ESPN: variants seen among roughly 807,000 people sequenced by gnomAD.
ESPN encodes the protein espin.
In ESPN, 68 loss-of-function variants were observed where a neutral mutation model predicts 77.7. The ratio of observed to expected loss-of-function variants is 0.87; its 90% CI spans 0.72 to 1.07. ESPN has a LOEUF of 1.07. Among genes scored for constraint, ESPN ranks in the 50% least tolerant of loss-of-function variants. ESPN has a pLI of 0.00. For synonymous variants in ESPN, 449 were observed against 567.1 expected, an observed-to-expected ratio of 0.79 and a Z score of 2.96; for missense variants, 1,060 against 1,239.0, an observed-to-expected ratio of 0.86 and a Z score of 2.17.
intron 8 of ESPN, among the ~76,000 whole-genome samples, chr1:6,449,562 T>G (rs1023615190): frequency 6.6e-6 from 1 of 152,086 alleles, no homozygotes; most frequent in African/African-American, 2.4e-5. Flanking sequence ...TCTCTTCCTC[T>G]CTCCACGTCT....
rs1643874051 is a variant in ESPN at position 6,447,638 on chromosome 1, C to T, written c.1465-1003C>T. ...TGGGAAGCCACGCTGTCACCCGACC[C>T]CGCCTTACGGCCCCTGAAATCCGAG... On this transcript the variant is annotated intron_variant, in intron 7 of 12. Coordinates refer to ENST00000645284, the MANE Select transcript of ESPN (RefSeq NM_031475.3). This position sits in a 1 kb window ranked among gnomAD's most constrained non-coding sequence, Gnocchi z 5.2. 6.6e-6 allele frequency among the ~76,000 whole-genome samples: 1 copy of T among 152,206 alleles called. No homozygotes were observed. Among genetic ancestry groups the T allele is most frequent in the Admixed American group, 6.5e-5 (1 of 15,288 alleles).
At chr1:6,454,859 C>T (rs1310610714) in intron 10 of ESPN, 6 of 392,364 alleles carry the variant, frequency 1.5e-5, no homozygotes, top group Non-Finnish European at 2.3e-5. Flanking sequence ...CCGACGCGCC[C>T]TGGCTGCCCG....
rs1204209800 is a variant in ESPN at position 6,448,997 on chromosome 1, G to A, written c.1821G>A (p.Pro607=). The change falls in exon 8 of 13, where the codon CCG becomes CCA. Residue 607 remains proline, a synonymous_variant. Transcript: ENST00000645284. The stretch of plus-strand genomic sequence containing the variant: ...CCCCACCGCCGCCGCCGCCCCTGCC[G>A]GAGGCCGCGAGTTCGCCACCGCCGG... The part of the protein sequence containing the change: ...PPPPPPPPPL[P]EAASSPPPAP... 1.9e-5 allele frequency: 28 copies of A among 1,452,142 alleles called. No homozygotes were observed. The highest frequency in any genetic ancestry group is 7.6e-5 in the Admixed American group (3 of 39,626). The allele number at this position is 1,452,142 out of a possible 1,614,324, so 90.0% of individuals were successfully genotyped here.
chr1:6,449,620 G>A (rs1178960536), intron 8 of ESPN, among the ~76,000 whole-genome samples: 1 of 152,206 alleles, frequency 6.6e-6, no homozygotes, highest in Non-Finnish European at 1.5e-5. Context: ...TCTTAGATAT[G>A]CCAGGAACTC....
In ESPN at chr1:6,451,803, G is replaced by T. The variant is rs1286936481; in HGVS notation, c.2062-30G>T. On this transcript the variant is annotated intron_variant, in intron 9 of 12. Coordinates refer to ENST00000645284, the MANE Select transcript of ESPN (RefSeq NM_031475.3). This position sits in a 1 kb window ranked among gnomAD's most constrained non-coding sequence, Gnocchi z 4.3. ...CGGCTTCCCTGGCCCTAGGCCACCGGGCGCTCAGCCCCACCGCTTCTCCCT... is the reference window on the plus strand; with the variant it reads ...CGGCTTCCCTGGCCCTAGGCCACCGTGCGCTCAGCCCCACCGCTTCTCCCT... 2.5e-6 allele frequency: 4 copies of T among 1,610,116 alleles called. No individual in the cohort carries two copies. The highest frequency in any genetic ancestry group is 3.4e-6 in the Non-Finnish European group (4 of 1,179,020).
chr1:6,434,064 G>A (rs1434524019), intron 2 of ESPN, among the ~76,000 whole-genome samples: 1 of 152,090 alleles, frequency 6.6e-6, no homozygotes, highest in Non-Finnish European at 1.5e-5. Context: ...CACCACACCC[G>A]GCTAATTTTT....
Position 6,460,617 on chromosome 1 carries a change from TGC to T in ESPN, c.*477_*478del, listed in dbSNP as rs1644144128. The T allele has an allele frequency of 6.0e-6, 1 of 167,698 alleles. No individual in the cohort carries two copies. Among genetic ancestry groups the T allele is most frequent in the South Asian group, 1.6e-4 (1 of 6,414 alleles). The allele number at this position is 167,698 out of a possible 1,614,324, so 10.4% of individuals were successfully genotyped here. On this transcript the variant is annotated 3_prime_UTR_variant, in exon 13 of 13. Transcript: ENST00000645284. ...TTTCCCTTCCTCTCTGACCCAGATC[TGC>T]GCGCGGCCTAGCCCGGGCCTCATTT...
rs1644135387 is a variant in ESPN at position 6,460,260 on chromosome 1, C to CT, written c.*115dup. ...AGCCGCACAGCCCTCCCCTCCTGCG[C>CT]TGGAAACCCTCCCTGACCCCCACCC... On this transcript the variant is annotated 3_prime_UTR_variant, in exon 13 of 13. Transcript: ENST00000645284. The CT allele has an allele frequency of 1.5e-6, 2 of 1,369,116 alleles. No individual in the cohort carries two copies. The highest frequency in any genetic ancestry group is 2.0e-6 in the Non-Finnish European group (2 of 1,006,286). 84.8% of individuals were successfully genotyped at this position (1,369,116 alleles called of 1,614,324 possible).
At chr1:6,433,517 G>T (rs1348605268) in intron 2 of ESPN, among the ~76,000 whole-genome samples, 1 of 151,638 alleles carries the variant, frequency 6.6e-6, no homozygotes, top group Admixed American at 6.6e-5. Context: ...TGAGGCATGA[G>T]AATCACTTGA....
intron 6 of ESPN, among the ~76,000 whole-genome samples, chr1:6,444,885 A>G (rs1387247143): frequency 1.3e-5 from 2 of 152,186 alleles, no homozygotes. Context: ...ACAAACATAC[A>G]TGTACATCCA....
chr1:6,441,806 G>A lies in ESPN; in HGVS notation c.990+741G>A, dbSNP rs112141347. ...ATGGAGGGGCTGTGCAATGAGGCCC[G>A]GAGGGAAGAAGGCAGATGGTCTGTG... On this transcript the variant is annotated intron_variant, in intron 5 of 12. Coordinates refer to ENST00000645284, the MANE Select transcript of ESPN (RefSeq NM_031475.3). Among the ~76,000 whole-genome samples, 911 of 152,332 alleles carry A rather than the reference G, an allele frequency of 6.0e-3. 9 individuals are homozygous for A. Among genetic ancestry groups the A allele is most frequent in the African/African-American group, 0.02 (835 of 41,572 alleles).
chr1:6,425,088 C>T lies in ESPN; in HGVS notation c.133C>T (p.Arg45Cys), dbSNP rs1481875713. The change falls in exon 1 of 13, where the codon CGC becomes TGC. Residue 45 changes from arginine to cysteine, a missense_variant. Transcript: ENST00000645284. ...CGCGCTGCCCGTGCACCACGCGGCCCGCGCTGGGAAGCTGCACTGTCTGCG... is the reference window on the plus strand; with the variant it reads ...CGCGCTGCCCGTGCACCACGCGGCCTGCGCTGGGAAGCTGCACTGTCTGCG... ...LDALPVHHAA[R>C]AGKLHCLRFL... is the part of the protein sequence containing the mutation. 4.0e-6 allele frequency: 6 copies of T among 1,489,156 alleles called. No individual in the cohort carries two copies. Among genetic ancestry groups the T allele is most frequent in the African/African-American group, 2.9e-5 (2 of 68,262 alleles). 92.2% of individuals were successfully genotyped at this position (1,489,156 alleles called of 1,614,324 possible).
chr1:6,460,152 G>A lies in ESPN; in HGVS notation c.*6G>A, dbSNP rs200806495. The A allele has an allele frequency of 1.1e-4, 178 of 1,609,744 alleles. No individual in the cohort carries two copies. In the East Asian group the frequency reaches 3.8e-3, roughly 34 times the overall value. On this transcript the variant is annotated 3_prime_UTR_variant, in exon 13 of 13. Coordinates refer to ENST00000645284, the MANE Select transcript of ESPN (RefSeq NM_031475.3). ...GGGACATCGCTAAGTACTAGAGGCC[G>A]CAGACTCCTGTCCGCAGCCTCGCAG...
chr1:6,436,482 C>CTTATTTATTTATTTATTTAT (rs59014273), intron 2 of ESPN, among the ~76,000 whole-genome samples: 2 of 145,166 alleles, frequency 1.4e-5, no homozygotes, highest in Admixed American at 6.8e-5. Flanking sequence ...GGAATTTTTT[C>CTTATTTATTTATTTATTTAT]TTATTTATTT....
In ESPN at chr1:6,428,471, G is replaced by C; in HGVS notation, c.488+52G>C. The C allele has an allele frequency of 6.7e-7, 1 of 1,500,808 alleles. No individual in the cohort carries two copies. The highest frequency in any genetic ancestry group is 9.1e-7 in the Non-Finnish European group (1 of 1,100,484). 93.0% of individuals were successfully genotyped at this position (1,500,808 alleles called of 1,614,324 possible). A position where few individuals can be genotyped will look rare whatever the true frequency, so the allele number is the denominator to read the frequency against. The stretch of plus-strand genomic sequence containing the variant: ...TCTGGGTGGGCTGGGCCAGGGCTTT[G>C]GGGGATGCCTGGGATTTTCCACGCC... On this transcript the variant is annotated intron_variant, in intron 2 of 12. Transcript: ENST00000645284. This position sits in a 1 kb window ranked among gnomAD's most constrained non-coding sequence, Gnocchi z 5.4.
intron 2 of ESPN, among the ~76,000 whole-genome samples, chr1:6,435,329 T>A (rs1643396604): frequency 1.5e-5 from 2 of 130,250 alleles, no homozygotes; most frequent in African/African-American, 5.6e-5. Flanking sequence ...AGCCCGGGTC[T>A]GGCCCCATGG....
At chr1:6,425,412 C>T (rs1416074924) in intron 1 of ESPN, among the ~76,000 whole-genome samples, 163 bp downstream of exon 1, 4 of 152,274 alleles carry the variant, frequency 2.6e-5, no homozygotes, top group Non-Finnish European at 4.4e-5. Context: ...AATGGGCTCC[C>T]TGGCTTGCCA....
At position 6,441,067 on chromosome 1, in the gene ESPN, T is replaced by A; in HGVS notation, c.990+2T>A. 6.2e-7 allele frequency: 1 copy of A among 1,610,678 alleles called. No individual in the cohort carries two copies. Among genetic ancestry groups the A allele is most frequent in the South Asian group, 1.1e-5 (1 of 90,510 alleles). On this transcript the variant is annotated splice_donor_variant, in intron 5 of 12. Transcript: ENST00000645284. LOFTEE classifies it high-confidence loss of function. ...TACCTGCGCACGGTGGAGAACCTGG[T>A]ACGATCCCTGAGCTGCTCCTGTCGC...
chr1:6,452,897 A>ATTTTATTT (rs1553169575), intron 10 of ESPN, among the ~76,000 whole-genome samples: 1 of 138,724 alleles, frequency 7.2e-6, no homozygotes, highest in African/African-American at 3.4e-5. Context: ...ATTTATTTTT[A>ATTTTATTT]TTTTTTATTT....
Sources: gnomAD v4.1 joint callset for allele counts (sites outside exome capture counted in the v4.1 genomes callset) on GRCh38, gnomAD v4.1.1 for gene constraint, Gnocchi (gnomAD v3.1) non-coding constraint, MANE v1.5 for transcripts, NCBI Gene and HGNC (gene_info 2026-07-23, HGNC 2026-07-21) for gene names.